Variants in LYST observed in about 807,000 individuals in gnomAD.
LYST encodes lysosomal trafficking regulator.
In LYST, 192 loss-of-function variants were observed where a neutral mutation model predicts 413.6. The ratio of observed to expected loss-of-function variants is 0.46; its 90% CI spans 0.41 to 0.52. The LOEUF is 0.52. Among genes scored for constraint, LYST ranks in the 20% least tolerant of loss-of-function variants. LYST has a pLI of 0.00. For missense variants in LYST, 3,815 were observed against 4,499.9 expected (o/e 0.85, Z 4.35); for synonymous variants, 1,525 against 1,567.3 (o/e 0.97, Z 0.64).
chr1:235,801,107 G>C lies in LYST; in HGVS notation c.3713-10C>G, dbSNP rs756089583. Reference sequence around the variant, plus strand: ...GACTTTAAGTCTACCCCTGAAAAGAGAAAAGCGAAAGATTACTTGTATTCC... The same window carrying C: ...GACTTTAAGTCTACCCCTGAAAAGACAAAAGCGAAAGATTACTTGTATTCC... On this transcript the variant is annotated splice_polypyrimidine_tract_variant and intron_variant, in intron 8 of 52. Transcript: ENST00000389793. 2 of 1,522,722 alleles carry C rather than the reference G, an allele frequency of 1.3e-6. No individual in the cohort carries two copies. Among genetic ancestry groups the C allele is most frequent in the Non-Finnish European group, 1.8e-6 (2 of 1,098,060 alleles). The allele number at this position is 1,522,722 out of a possible 1,614,324, so 94.3% of individuals were successfully genotyped here.
intron 38 of LYST, among the ~76,000 whole-genome samples, chr1:235,726,834 G>A (rs1663919623): frequency 6.6e-6 from 1 of 152,146 alleles, no homozygotes; most frequent in Admixed American, 6.5e-5. Flanking sequence ...GTCAAATGGA[G>A]TTAAACACAA....
intron 1 of LYST, among the ~76,000 whole-genome samples, chr1:235,865,247 T>C (rs957205603): frequency 1.3e-5 from 2 of 152,108 alleles, no homozygotes; most frequent in African/African-American, 2.4e-5. Context: ...TCAAATGATA[T>C]CTTTTCTAGG....
intron 1 of LYST, among the ~76,000 whole-genome samples, chr1:235,849,204 T>C (rs58836731): frequency 0.021 from 3,262 of 152,210 alleles, 115 homozygotes; most frequent in African/African-American, 0.074. Context: ...GATGCAGGGA[T>C]GGTTTAACAT....
chr1:235,696,619 T>C (rs1661122280), intron 46 of LYST, among the ~76,000 whole-genome samples: 1 of 152,216 alleles, frequency 6.6e-6, no homozygotes, highest in Non-Finnish European at 1.5e-5. Context: ...ACATGTTGCT[T>C]TTAGTGAGTC....
In LYST at chr1:235,830,237, T is replaced by C. The variant is rs776670065; in HGVS notation, c.181A>G (p.Ile61Val). 5.0e-6 allele frequency: 8 copies of C among 1,611,906 alleles called. No homozygotes were observed. The highest frequency in any genetic ancestry group is 4.0e-5 in the African/African-American group (3 of 74,832). ...TATAAAAATGTTACCTGATCAATTA[T>C]AGAATTTAGCTTGGTAAGTAATAGA... ...GFLLLTKLNS[I>V]IDQALTCREE... Residue 61 changes from isoleucine (I) to valine (V), a missense_variant, in exon 3 of 53, where the codon ATA (isoleucine) becomes GTA (valine). Physicochemically the swap from Ile to Val is conservative, Grantham distance 29. Coordinates refer to ENST00000389793, the MANE Select transcript of LYST (RefSeq NM_000081.4).
chr1:235,695,586 T>C (rs1011360740), intron 46 of LYST, among the ~76,000 whole-genome samples: 2 of 152,058 alleles, frequency 1.3e-5, no homozygotes, highest in Non-Finnish European at 2.9e-5. Flanking sequence ...TAATACCTGC[T>C]CTTTCTCTTT....
chr1:235,881,472 C>T (rs543170092), intron 1 of LYST, among the ~76,000 whole-genome samples: 10 of 152,230 alleles, frequency 6.6e-5, no homozygotes, highest in South Asian at 6.2e-4. Context: ...ATTCCACTTC[C>T]GGTACATATC....
chr1:235,830,784 A>C (rs891417949), intron 2 of LYST, among the ~76,000 whole-genome samples: 1 of 152,208 alleles, frequency 6.6e-6, no homozygotes, highest in Non-Finnish European at 1.5e-5. Flanking sequence ...ATATTTTATA[A>C]TAAATTGGTA....
chr1:235,824,580 T>C (rs554292250), intron 3 of LYST, among the ~76,000 whole-genome samples: 8 of 152,324 alleles, frequency 5.3e-5, no homozygotes, highest in Middle Eastern at 3.4e-3. Context: ...GGTGGTATGG[T>C]AGAAATATTC....
intron 1 of LYST, among the ~76,000 whole-genome samples, chr1:235,857,651 A>AG (rs1261580907): frequency 2.0e-5 from 3 of 151,478 alleles, no homozygotes; most frequent in Non-Finnish European, 4.4e-5. Flanking sequence ...ACCAAAAAAG[A>AG]GGGGGGTGTG....
chr1:235,744,798 G>A (rs112801435), intron 29 of LYST, among the ~76,000 whole-genome samples: 6 of 151,822 alleles, frequency 4.0e-5, no homozygotes, highest in African/African-American at 1.2e-4. Flanking sequence ...TACTCAGGAG[G>A]CTGAGATGGG....
In LYST at chr1:235,808,339, T is replaced by C. The variant is rs3768064; in HGVS notation, c.2363+116A>G. On this transcript the variant is annotated intron_variant, in intron 5 of 52. Coordinates refer to ENST00000389793, the MANE Select transcript of LYST (RefSeq NM_000081.4). ...CACTGCTGCCAAAGCCCTGGAGATA[T>C]CAGTGTTAGAAGTTTAAATGCATAC... 0.027 allele frequency: 22,267 copies of C among 818,076 alleles called. 1,832 individuals are homozygous for C. The highest frequency in any genetic ancestry group is 0.22 in the African/African-American group (12,935 of 57,886). 50.7% of individuals were successfully genotyped at this position (818,076 alleles called of 1,614,324 possible). A position where few individuals can be genotyped will look rare whatever the true frequency, so the allele number is the denominator to read the frequency against.
At chr1:235,719,526 C>T (rs965388393) in intron 40 of LYST, among the ~76,000 whole-genome samples, 1 of 151,510 alleles carries the variant, frequency 6.6e-6, no homozygotes, top group Non-Finnish European at 1.5e-5. Flanking sequence ...TCAATGGGAG[C>T]CTGAGCCCAC....
chr1:235,795,946 AAAAAG>A lies in LYST; in HGVS notation c.4007-2339_4007-2335del, dbSNP rs913818545. 3.9e-5 allele frequency among the ~76,000 whole-genome samples: 6 copies of A among 152,226 alleles called. No homozygotes were observed. In the South Asian group the frequency reaches 8.3e-4, roughly 21 times the overall value. On this transcript the variant is annotated intron_variant, in intron 10 of 52. Coordinates refer to ENST00000389793, the MANE Select transcript of LYST (RefSeq NM_000081.4). ...CAAGGAGATATTATATCCTTATATG[AAAAAG>A]AAATAACCAGAAAACAATCAAAAAA...
chr1:235,702,972 A>G lies in LYST; in HGVS notation c.10149T>C (p.Tyr3383=), dbSNP rs2103101927. 6.2e-7 allele frequency: 1 copy of G among 1,607,012 alleles called. No individual in the cohort carries two copies. Among genetic ancestry groups the G allele is most frequent in the Non-Finnish European group, 8.5e-7 (1 of 1,173,478 alleles). ...CAACTGCAGAGACATCCATTCCAAA[A>G]TATGTCTGCAGAGTGAAAGAGTAAA... ...QAINVFHPAT[Y]FGMDVSAVED... Residue 3383 remains tyrosine (Y), a synonymous_variant, in exon 45 of 53, where the codon TAT becomes TAC. Transcript: ENST00000389793.
intron 8 of LYST, among the ~76,000 whole-genome samples, chr1:235,801,935 C>A (rs1486171241): frequency 6.6e-6 from 1 of 152,128 alleles, no homozygotes; most frequent in African/African-American, 2.4e-5. Context: ...GTGGCTCACG[C>A]CTGTAATCCC....
At chr1:235,882,830 T>C (rs2103251411) in intron 1 of LYST, among the ~76,000 whole-genome samples, 1 of 152,310 alleles carries the variant, frequency 6.6e-6, no homozygotes, top group South Asian at 2.1e-4. Context: ...CACACATGTA[T>C]TGAGTGAGTC....
Position 235,709,111 on chromosome 1 carries a change from T to C in LYST, c.10123A>G (p.Ile3375Val), listed in dbSNP as rs770331918. 8.1e-6 allele frequency: 13 copies of C among 1,613,958 alleles called. No homozygotes were observed. Among genetic ancestry groups the C allele is most frequent in the Admixed American group, 3.3e-5 (2 of 59,996 alleles). ...KQKGKASVQAINVFHPATYFG... is the reference protein window; with the variant it reads ...KQKGKASVQAVNVFHPATYFG... ...CTTACAGCAGGATGAAAAACATTGA[T>C]CGCTTGAACAGAAGCCTTCCCCTTT... The change falls in exon 44 of 53, where the codon ATC becomes GTC. Residue 3375 changes from isoleucine (I) to valine (V), a missense_variant. Transcript: ENST00000389793.
rs147220685 is a variant in LYST, at chr1:235,808,505, C to T, written c.2313G>A (p.Gln771=). The change falls in exon 5 of 53, where the codon CAG becomes CAA. Residue 771 remains glutamine (Q), a synonymous_variant. Coordinates refer to ENST00000389793, the MANE Select transcript of LYST (RefSeq NM_000081.4). The part of the protein sequence containing the change: ...VCSHHNQCLP[Q]DVLQIYVKTL... ...TTTTTACATAAATCTGAAGCACGTC[C>T]TGAGGCAAGCACTGGTTATGATGGC... is the stretch of plus-strand genomic sequence containing the variant. 5.3e-4 allele frequency: 860 copies of T among 1,613,708 alleles called. No homozygotes were observed. Among genetic ancestry groups the T allele is most frequent in the Non-Finnish European group, 7.0e-4 (826 of 1,179,936 alleles).
Sources: gnomAD v4.1 joint callset for allele counts (sites outside exome capture counted in the v4.1 genomes callset) on GRCh38, gnomAD v4.1.1 for gene constraint, MANE v1.5 for transcripts, NCBI Gene and HGNC (gene_info 2026-07-23, HGNC 2026-07-21) for gene names.